Variants in CFAP99 observed in about 807,000 individuals in gnomAD.
CFAP99 encodes cilia and flagella associated protein 99.
Under a neutral mutation model 82.7 loss-of-function variants are expected in CFAP99, and 84 were observed. The ratio of observed to expected loss-of-function variants is 1.02; its 90% CI spans 0.85 to 1.22. CFAP99 has a LOEUF of 1.22. CFAP99 is among the 50% of genes most tolerant of loss of function. CFAP99 has a pLI of 0.00. For missense variants in CFAP99, 1,059 were observed against 983.5 expected, an observed-to-expected ratio of 1.08 and a Z score of -1.03; for synonymous variants, 456 against 429.5, an observed-to-expected ratio of 1.06 and a Z score of -0.76.
chr4:2,420,173 C>T (rs1257621500), intron 1 of CFAP99, among the ~76,000 whole-genome samples: 1 of 151,872 alleles, frequency 6.6e-6, no homozygotes, highest in Non-Finnish European at 1.5e-5. Context: ...TGCTCACCGA[C>T]CTCTCAACAC....
In CFAP99 at chr4:2,462,620, G is replaced by A. The variant is rs1182444206; in HGVS notation, c.1839G>A (p.Trp613Ter). 3 of 1,349,094 alleles carry A rather than the reference G, an allele frequency of 2.2e-6. No individual in the cohort carries two copies. Among genetic ancestry groups the A allele is most frequent in the Non-Finnish European group, 1.9e-6 (2 of 1,052,358 alleles). 83.6% of individuals were successfully genotyped at this position (1,349,094 alleles called of 1,614,324 possible). A position where few individuals can be genotyped will look rare whatever the true frequency, so the allele number is the denominator to read the frequency against. ...CCAAGCCCCGGGTGAGTCCGGATTG[G>A]TGGGAGGAGCCCGGGCGACTGAAAG... Residue 613 changes from tryptophan (W) to a stop codon, truncating the protein, a stop_gained, in exon 15 of 15, where the codon TGG (tryptophan) becomes TGA (stop). Transcript: ENST00000635017. LOFTEE classifies it low-confidence loss of function (END_TRUNC). The surrounding 1 kb of genome is among the most constrained non-coding windows in gnomAD (Gnocchi z 4.1).
At chr4:2,459,321 A>C in intron 13 of CFAP99, 63 bp downstream of exon 13, 2 of 1,458,420 alleles carry the variant, frequency 1.4e-6, no homozygotes, top group Middle Eastern at 1.8e-4. Context: ...CTGCCATGAG[A>C]GGCAGTTTCC....
chr4:2,437,045 C>A, intron 3 of CFAP99, 27 bp downstream of exon 3: 1 of 1,535,746 alleles, frequency 6.5e-7, no homozygotes, highest in Non-Finnish European at 8.7e-7. Context: ...TCCCCAGGGC[C>A]AGGCCGTAGA....
intron 2 of CFAP99, among the ~76,000 whole-genome samples, chr4:2,432,378 A>G (rs1578466818): frequency 6.6e-6 from 1 of 152,224 alleles, no homozygotes; most frequent in Admixed American, 6.5e-5. Context: ...GTTGCAAAAT[A>G]TGGTTTTAGC....
At chr4:2,420,890 G>A (rs1162308090) in intron 1 of CFAP99, among the ~76,000 whole-genome samples, 2 of 152,156 alleles carry the variant, frequency 1.3e-5, no homozygotes, top group African/African-American at 2.4e-5. Context: ...TGCCTCTCTC[G>A]TTCAGGGAGA....
chr4:2,459,229 C>A, exon 13 of CFAP99: 1 of 1,535,288 alleles, frequency 6.5e-7, no homozygotes, highest in Non-Finnish European at 8.7e-7. Flanking sequence ...ACAGCCCACG[C>A]GCAAGGGCAA....
intron 8 of CFAP99, among the ~76,000 whole-genome samples, 186 bp from the exon 9 acceptor site, chr4:2,450,761 C>T (rs1022116936): frequency 6.6e-6 from 1 of 152,126 alleles, no homozygotes; most frequent in East Asian, 1.9e-4. Flanking sequence ...CACAGCAAGG[C>T]TTGGGGGGCA....
chr4:2,433,877 G>A (rs1270936501), intron 2 of CFAP99, among the ~76,000 whole-genome samples: 2 of 152,246 alleles, frequency 1.3e-5, no homozygotes, highest in African/African-American at 4.8e-5. Flanking sequence ...GCCAGGGCGG[G>A]CTGGGGACTC....
At chr4:2,451,395 C>A in intron 10 of CFAP99, 43 bp downstream of exon 10, 3 of 1,521,270 alleles carry the variant, frequency 2.0e-6, no homozygotes, top group East Asian at 2.5e-5. Context: ...CACGGCATCA[C>A]CCTTGAGAGG....
In CFAP99 at chr4:2,448,338, G is replaced by C. The variant is rs559331571; in HGVS notation, c.643-1332G>C. 6.6e-6 allele frequency among the ~76,000 whole-genome samples: 1 copy of C among 152,206 alleles called. No individual in the cohort carries two copies. The highest frequency in any genetic ancestry group is 1.5e-5 in the Non-Finnish European group (1 of 68,042). On this transcript the variant is annotated intron_variant, in intron 6 of 14. Coordinates refer to ENST00000635017, the Ensembl canonical transcript of CFAP99. This position sits in a 1 kb window ranked among gnomAD's most constrained non-coding sequence, Gnocchi z 5.2. ...CCATGTCCTCCCATGCTCTATAGCT[G>C]TGTGCCTCTCAGTACAATCTGTGAG...
chr4:2,450,807 G>C (rs984290216), intron 8 of CFAP99, 140 bp from the exon 9 acceptor site: 1 of 678,094 alleles, frequency 1.5e-6, no homozygotes, highest in African/African-American at 1.8e-5. Flanking sequence ...CGTGGTGGTA[G>C]GGATGGGCAG....
At chr4:2,439,414 T>C (rs918569889) in intron 4 of CFAP99, among the ~76,000 whole-genome samples, 1 of 152,076 alleles carries the variant, frequency 6.6e-6, no homozygotes, top group African/African-American at 2.4e-5. Flanking sequence ...CTTCGAGGTC[T>C]CTCTTGAAGG....
In CFAP99 at chr4:2,459,183, T is replaced by C. The variant is rs7697797; in HGVS notation, c.1380T>C (p.Arg460=). Residue 460 remains arginine (R), a synonymous_variant, in exon 13 of 15, where the codon CGT becomes CGC. Transcript: ENST00000635017. ...CAGCCCAGGAGGAGCAGCGGCGCCG[T>C]TGTGAACTCATCTCCCAGCTGCGCG... 34 of 1,535,500 alleles carry C rather than the reference T, an allele frequency of 2.2e-5. No homozygotes were observed. In the African/African-American group the frequency reaches 3.1e-4, roughly 14 times the overall value.
In CFAP99 at chr4:2,442,993, G is replaced by T; in HGVS notation, c.352-137G>T. Reference sequence around the variant, plus strand: ...TTGGGGGCAGGGAGCTCACTGGGGTGCTGGGGGCCTTGGGGGGAGCCACTG... The same window carrying T: ...TTGGGGGCAGGGAGCTCACTGGGGTTCTGGGGGCCTTGGGGGGAGCCACTG... On this transcript the variant is annotated intron_variant, in intron 4 of 14. Coordinates refer to ENST00000635017, the Ensembl canonical transcript of CFAP99. 7.9e-6 allele frequency: 3 copies of T among 378,898 alleles called. No individual in the cohort carries two copies. In the South Asian group the frequency reaches 8.1e-5, roughly 10 times the overall value. 23.5% of individuals were successfully genotyped at this position (378,898 alleles called of 1,614,324 possible). A position where few individuals can be genotyped will look rare whatever the true frequency, so the allele number is the denominator to read the frequency against.
chr4:2,437,014 C>A, exon 3 of CFAP99: 3 of 1,535,980 alleles, frequency 2.0e-6, no homozygotes, highest in South Asian at 2.4e-5. Flanking sequence ...ACAGCCGCTT[C>A]GAGGGTAGGT....
rs750692536 is a variant in CFAP99, at chr4:2,458,880, A to C, written c.1303+16A>C. ...CAGCAGACAGGTAGTCAGGAGCCAG[A>C]TGTCACTGGCCCTACCCCGCTCTTC... On this transcript the variant is annotated intron_variant, in intron 12 of 14. Coordinates refer to ENST00000635017, the Ensembl canonical transcript of CFAP99. 5.0e-5 allele frequency: 77 copies of C among 1,531,424 alleles called. No homozygotes were observed. In the Middle Eastern group the frequency reaches 9.1e-4, roughly 18 times the overall value. 94.9% of individuals were successfully genotyped at this position (1,531,424 alleles called of 1,614,324 possible). A position where few individuals can be genotyped will look rare whatever the true frequency, so the allele number is the denominator to read the frequency against.
At chr4:2,442,811 A>G (rs1300529453) in intron 4 of CFAP99, among the ~76,000 whole-genome samples, 1 of 152,124 alleles carries the variant, frequency 6.6e-6, no homozygotes, top group African/African-American at 2.4e-5. Context: ...GGCCTCCAGC[A>G]CCAGCATCAG....
At chr4:2,452,484 C>T (rs1280470803) in intron 11 of CFAP99, 138 bp downstream of exon 11, 3 of 877,740 alleles carry the variant, frequency 3.4e-6, no homozygotes, top group Non-Finnish European at 5.2e-6. Context: ...TTGGTCCTGG[C>T]TCCTCTTCCT....
At chr4:2,459,016 C>G in intron 12 of CFAP99, 91 bp from the exon 13 acceptor site, 2 of 1,447,906 alleles carry the variant, frequency 1.4e-6, no homozygotes, top group Non-Finnish European at 1.8e-6. Context: ...AGGCCAGAGT[C>G]CTGGCTGGGG....
Sources: allele counts gnomAD v4.1 joint callset (sites outside exome capture counted in the v4.1 genomes callset), GRCh38; gene constraint gnomAD v4.1.1; non-coding constraint Gnocchi (gnomAD v3.1); transcripts MANE v1.5; gene names NCBI Gene and HGNC (gene_info 2026-07-23, HGNC 2026-07-21).